FAM120A: variants seen among roughly 807,000 people sequenced by gnomAD.
FAM120A encodes family with sequence similarity 120 member A.
Under a neutral mutation model 109.7 loss-of-function variants are expected in FAM120A, and 15 were observed. The ratio of observed to expected loss-of-function variants is 0.14; its 90% confidence interval spans 0.09 to 0.21. The LOEUF is 0.21. FAM120A is among the 10% of genes least tolerant of loss of function. FAM120A has a pLI of 1.00. For missense variants in FAM120A, 899 were observed against 1,439.3 expected (o/e 0.62, Z 6.07); for synonymous variants, 493 against 572.8 (o/e 0.86, Z 1.99).
intron 3 of FAM120A, among the ~76,000 whole-genome samples, chr9:93,496,511 T>C (rs1254910817): frequency 6.6e-6 from 1 of 152,240 alleles, no homozygotes; most frequent in Non-Finnish European, 1.5e-5. Context: ...ATGCAAGGGC[T>C]GGTCCCTCTG....
chr9:93,489,099 G>T (rs1554775968), intron 3 of FAM120A, among the ~76,000 whole-genome samples: 1 of 151,522 alleles, frequency 6.6e-6, no homozygotes. Context: ...GGAATTCACC[G>T]TCTACCATCT....
At chr9:93,473,416 C>T (rs919069102) in intron 2 of FAM120A, among the ~76,000 whole-genome samples, 9 of 152,104 alleles carry the variant, frequency 5.9e-5, no homozygotes, top group African/African-American at 2.2e-4. Flanking sequence ...AGTGATCCTC[C>T]CATCTCAACT....
intron 5 of FAM120A, among the ~76,000 whole-genome samples, chr9:93,510,274 A>G (rs550004378): frequency 4.9e-4 from 75 of 152,352 alleles, no homozygotes; most frequent in Non-Finnish European, 8.8e-4. Flanking sequence ...CTGCCTGATC[A>G]TGTGGCCATT....
chr9:93,454,465 T>G (rs1042050553), intron 1 of FAM120A, among the ~76,000 whole-genome samples: 2 of 152,174 alleles, frequency 1.3e-5, no homozygotes, highest in Non-Finnish European at 2.9e-5. Context: ...TGAAGAATCC[T>G]TTAAGCTCTC....
In FAM120A at chr9:93,554,349, G is replaced by A. The variant is rs558683750; in HGVS notation, c.2275-2033G>A. Among the ~76,000 whole-genome samples, 10 of 152,286 alleles carry A rather than the reference G, an allele frequency of 6.6e-5. No individual in the cohort carries two copies. The South Asian group carries it at 1.7e-3, about 25-fold the overall frequency. On this transcript the variant is annotated intron_variant, in intron 12 of 17. Transcript: ENST00000277165. ...TAGTCTTAAAGGTTTGAATCTGGAT[G>A]TGATTGGCACCAGCCCGTTCCTAAG...
chr9:93,454,551 A>C (rs1857465638), intron 1 of FAM120A, among the ~76,000 whole-genome samples: 2 of 152,222 alleles, frequency 1.3e-5, no homozygotes, highest in African/African-American at 4.8e-5. Flanking sequence ...CAGCTTGAGA[A>C]GAGGATGAAG....
intron 1 of FAM120A, among the ~76,000 whole-genome samples, chr9:93,465,501 A>G (rs1857976806): frequency 6.6e-6 from 1 of 152,218 alleles, no homozygotes; most frequent in African/African-American, 2.4e-5. Flanking sequence ...CGTGCCTGTT[A>G]TACTTTGTTC....
intron 3 of FAM120A, among the ~76,000 whole-genome samples, chr9:93,480,252 T>G (rs746974017): frequency 6.6e-6 from 1 of 152,174 alleles, no homozygotes; most frequent in Non-Finnish European, 1.5e-5. Context: ...CATGTAAAAT[T>G]GTAGGATGGG....
At chr9:93,454,850 C>A (rs1008380175) in intron 1 of FAM120A, among the ~76,000 whole-genome samples, 1 of 152,224 alleles carries the variant, frequency 6.6e-6, no homozygotes, top group Non-Finnish European at 1.5e-5. Flanking sequence ...GATATCACTA[C>A]ATGCCTATTA....
At chr9:93,558,933 T>C (rs867757113) in intron 15 of FAM120A, among the ~76,000 whole-genome samples, 1 of 152,302 alleles carries the variant, frequency 6.6e-6, no homozygotes, top group South Asian at 2.1e-4. Flanking sequence ...GTCTCTCCTT[T>C]CAGGGTAGAC....
intron 12 of FAM120A, among the ~76,000 whole-genome samples, chr9:93,554,350 T>A (rs1009109819): frequency 6.6e-6 from 1 of 152,138 alleles, no homozygotes; most frequent in African/African-American, 2.4e-5. Flanking sequence ...AATCTGGATG[T>A]GATTGGCACC....
chr9:93,492,803 A>G (rs1470281921), intron 3 of FAM120A, among the ~76,000 whole-genome samples: 3 of 152,196 alleles, frequency 2.0e-5, no homozygotes, highest in South Asian at 4.1e-4. Flanking sequence ...TATAGCATCT[A>G]TTCACTTCAA....
chr9:93,464,581 G>T (rs1387787860), intron 1 of FAM120A, among the ~76,000 whole-genome samples: 2 of 152,194 alleles, frequency 1.3e-5, no homozygotes, highest in African/African-American at 4.8e-5. Context: ...GAAGCCTAAT[G>T]CTCCTCGGGG....
At chr9:93,517,983 T>C (rs112715285) in intron 7 of FAM120A, among the ~76,000 whole-genome samples, 4 of 152,338 alleles carry the variant, frequency 2.6e-5, no homozygotes, top group African/African-American at 9.6e-5. Flanking sequence ...AAGTGCTTAT[T>C]GTCTTTATTC....
intron 16 of FAM120A, among the ~76,000 whole-genome samples, 177 bp downstream of exon 16, chr9:93,561,427 C>G (rs1281949862): frequency 1.3e-5 from 2 of 152,058 alleles, no homozygotes; most frequent in African/African-American, 4.8e-5. Flanking sequence ...GATGGGGTCT[C>G]ACTGTCACCC....
At chr9:93,501,189 A>G (rs1859785613) in intron 5 of FAM120A, among the ~76,000 whole-genome samples, 1 of 152,138 alleles carries the variant, frequency 6.6e-6, no homozygotes, top group South Asian at 2.1e-4. Context: ...TGGCAGGTGT[A>G]GTTTAGAAAG....
chr9:93,477,391 C>G (rs777048431), intron 3 of FAM120A, among the ~76,000 whole-genome samples: 12 of 152,290 alleles, frequency 7.9e-5, no homozygotes, highest in Middle Eastern at 3.4e-3. Context: ...CCTTTTCACC[C>G]TAATGGGGTT....
At chr9:93,502,293 G>A (rs1859835029) in intron 5 of FAM120A, among the ~76,000 whole-genome samples, 1 of 152,130 alleles carries the variant, frequency 6.6e-6, no homozygotes, top group Non-Finnish European at 1.5e-5. Context: ...AAAACATGGG[G>A]TGAGTTGATC....
intron 9 of FAM120A, 22 bp downstream of exon 9, chr9:93,529,602 A>T: frequency 6.2e-7 from 1 of 1,608,850 alleles, no homozygotes; most frequent in Non-Finnish European, 8.5e-7. Flanking sequence ...GGGGCCCTGG[A>T]GTGGCTTCTG....
Sources: allele counts gnomAD v4.1 joint callset (sites outside exome capture counted in the v4.1 genomes callset), GRCh38; gene constraint gnomAD v4.1.1; transcripts MANE v1.5; gene names NCBI Gene and HGNC (gene_info 2026-07-23, HGNC 2026-07-21).